CSMD1: variants seen among roughly 807,000 people sequenced by gnomAD.
CSMD1 encodes CUB and sushi domain-containing protein 1.
Under a neutral mutation model 417.5 loss-of-function variants are expected in CSMD1, and 213 were observed. That is an observed-to-expected ratio of 0.51 (90% CI 0.46 to 0.57). CSMD1 has a LOEUF of 0.57. CSMD1 is among the 20% of genes least tolerant of loss of function. The pLI is 0.00. For synonymous variants in CSMD1, 2,862 were observed against 1,736.8 expected (o/e 1.65, Z -16.11); for missense variants, 6,923 against 4,529.7 (o/e 1.53, Z -15.17).
intron 10 of CSMD1, among the ~76,000 whole-genome samples, chr8:3,499,025 G>T (rs1019456913): frequency 6.6e-6 from 1 of 152,284 alleles, no homozygotes; most frequent in East Asian, 1.9e-4. Context: ...ATTAGAAAAT[G>T]ATTTTGTTCC....
intron 3 of CSMD1, among the ~76,000 whole-genome samples, chr8:4,207,599 C>T (rs560320737): frequency 6.6e-6 from 1 of 152,004 alleles, no homozygotes; most frequent in Admixed American, 6.6e-5. Flanking sequence ...GTTTAATATT[C>T]AATTCAGTAA....
chr8:4,001,928 G>A (rs558833865), intron 4 of CSMD1, among the ~76,000 whole-genome samples: 1 of 152,118 alleles, frequency 6.6e-6, no homozygotes, highest in South Asian at 2.1e-4. Flanking sequence ...TATGACTATT[G>A]CATTTCTTCA....
At chr8:3,689,235 C>T (rs1041474482) in intron 7 of CSMD1, among the ~76,000 whole-genome samples, 1 of 152,152 alleles carries the variant, frequency 6.6e-6, no homozygotes, top group Non-Finnish European at 1.5e-5. Flanking sequence ...CTAACTTATC[C>T]ACAGTTACCA....
intron 1 of CSMD1, among the ~76,000 whole-genome samples, chr8:4,814,936 A>C (rs894824811): frequency 1.2e-4 from 18 of 152,204 alleles, no homozygotes; most frequent in African/African-American, 3.9e-4. Flanking sequence ...AACATTTTGC[A>C]TTATGACTGT....
Position 3,182,578 on chromosome 8 carries a change from C to CTGTGTGTG in CSMD1, c.5621-1372_5621-1365dup, listed in dbSNP as rs35090952. Among the ~76,000 whole-genome samples the CTGTGTGTG allele has an allele frequency of 3.0e-3, 283 of 94,128 alleles. 1 individual carries two copies. The highest frequency in any genetic ancestry group is 3.9e-3 in the Non-Finnish European group (197 of 50,902). 61.8% of individuals were successfully genotyped at this position (94,128 alleles called of 152,430 possible). ...ACTCTGGCTGTCTTTTTATAAGAAG[C>CTGTGTGTG]TGTGTGTGTGTGTGTGTGTGTGTGT... On this transcript the variant is annotated intron_variant, in intron 36 of 69. Coordinates refer to ENST00000635120, the MANE Select transcript of CSMD1 (RefSeq NM_033225.6).
intron 3 of CSMD1, among the ~76,000 whole-genome samples, chr8:4,257,186 T>C (rs140388783): frequency 9.9e-6 from 1 of 100,546 alleles, no homozygotes; most frequent in South Asian, 4.4e-4. Context: ...TAAATTATGG[T>C]ACTACATTTT....
At chr8:4,613,020 C>T (rs998955949) in intron 2 of CSMD1, among the ~76,000 whole-genome samples, 1 of 152,094 alleles carries the variant, frequency 6.6e-6, no homozygotes, top group Non-Finnish European at 1.5e-5. Context: ...CAGGAAAATT[C>T]AGTGTAAGGG....
chr8:4,119,199 T>C (rs1802337514), intron 3 of CSMD1, among the ~76,000 whole-genome samples: 1 of 152,048 alleles, frequency 6.6e-6, no homozygotes. Flanking sequence ...GTGGCACACA[T>C]ATACCTATGT....
At chr8:4,940,195 A>G (rs970237966) in intron 1 of CSMD1, among the ~76,000 whole-genome samples, 1 of 152,160 alleles carries the variant, frequency 6.6e-6, no homozygotes, top group Admixed American at 6.5e-5. Context: ...TTCCTCTTTA[A>G]GAAGATCCTG....
chr8:4,623,654 T>A (rs1801907610), intron 2 of CSMD1, among the ~76,000 whole-genome samples: 1 of 152,128 alleles, frequency 6.6e-6, no homozygotes, highest in African/African-American at 2.4e-5. Flanking sequence ...CCATAAAAAA[T>A]GTACCATTTT....
At chr8:3,973,564 T>C (rs113744312) in intron 5 of CSMD1, among the ~76,000 whole-genome samples, 1 of 152,178 alleles carries the variant, frequency 6.6e-6, no homozygotes, top group African/African-American at 2.4e-5. Context: ...TTTCTTGTCA[T>C]TCTAGAATTT....
chr8:4,178,854 G>T (rs945672436), intron 3 of CSMD1, among the ~76,000 whole-genome samples: 1 of 152,086 alleles, frequency 6.6e-6, no homozygotes, highest in East Asian at 1.9e-4. Flanking sequence ...AAAATACTTA[G>T]AAATCCAACT....
intron 5 of CSMD1, among the ~76,000 whole-genome samples, chr8:3,827,120 A>C (rs191780468): frequency 4.6e-4 from 70 of 152,284 alleles, no homozygotes; most frequent in African/African-American, 1.6e-3. Context: ...TAAAAACCGT[A>C]AAAGAAAAAC....
intron 5 of CSMD1, among the ~76,000 whole-genome samples, chr8:3,799,942 T>C (rs1800367686): frequency 6.6e-6 from 1 of 152,150 alleles, no homozygotes; most frequent in African/African-American, 2.4e-5. Flanking sequence ...TCCTTATCAA[T>C]AATGGAATAA....
In CSMD1 at chr8:3,776,513, G is replaced by A. The variant is rs61505977; in HGVS notation, c.819-22471C>T. Among the ~76,000 whole-genome samples, 964 of 152,194 alleles carry A rather than the reference G, an allele frequency of 6.3e-3. 11 individuals are homozygous for A. Among genetic ancestry groups the A allele is most frequent in the African/African-American group, 0.021 (881 of 41,528 alleles). On this transcript the variant is annotated intron_variant, in intron 5 of 69. Transcript: ENST00000635120. The stretch of plus-strand genomic sequence containing the variant: ...TTTCCTGCTCTCTCTTAAACACCCT[G>A]GGGCCTTGGAACTTGCTGTGCCCTC...
At chr8:4,309,468 A>T (rs949119435) in intron 3 of CSMD1, among the ~76,000 whole-genome samples, 1 of 142,396 alleles carries the variant, frequency 7.0e-6, no homozygotes, top group Non-Finnish European at 1.5e-5. Flanking sequence ...ACGAGAAAAA[A>T]TAAATATTAA....
intron 3 of CSMD1, among the ~76,000 whole-genome samples, chr8:4,328,242 ATTT>A (rs3067534): frequency 0.027 from 3,317 of 124,602 alleles, 28 homozygotes; most frequent in African/African-American, 0.033. Context: ...ACTCAATACA[ATTT>A]TTTTTTTTTT....
At chr8:4,338,912 G>A (rs1463402950) in intron 3 of CSMD1, among the ~76,000 whole-genome samples, 2 of 152,102 alleles carry the variant, frequency 1.3e-5, no homozygotes, top group Admixed American at 1.3e-4. Flanking sequence ...ACAGAGGCAT[G>A]ATAAATAAAG....
chr8:4,325,052 T>C lies in CSMD1; in HGVS notation c.415+94901A>G, dbSNP rs185242889. Reference sequence around the variant, plus strand: ...CACTGTGGCTCCTTAAAATGGCTTGTAGTTACGCATCCAGTGGAGCCAGGA... The same window carrying C: ...CACTGTGGCTCCTTAAAATGGCTTGCAGTTACGCATCCAGTGGAGCCAGGA... On this transcript the variant is annotated intron_variant, in intron 3 of 69. Coordinates refer to ENST00000635120, the MANE Select transcript of CSMD1 (RefSeq NM_033225.6). Among the ~76,000 whole-genome samples the C allele has an allele frequency of 1.6e-3, 242 of 152,260 alleles. 2 individuals are homozygous for C. The highest frequency in any genetic ancestry group is 7.3e-3 in the Admixed American group (112 of 15,286).
Sources: gnomAD v4.1 joint callset for allele counts (sites outside exome capture counted in the v4.1 genomes callset) on GRCh38, gnomAD v4.1.1 for gene constraint, MANE v1.5 for transcripts, NCBI Gene and HGNC (gene_info 2026-07-23, HGNC 2026-07-21) for gene names.